Variants in F11 observed in about 807,000 individuals in gnomAD.
The protein encoded by F11 is coagualtion factor XI.
Under a neutral mutation model 76.5 loss-of-function variants are expected in F11, and 78 were observed. The observed-to-expected ratio is 1.02, with a 90% CI of 0.85 to 1.23. The LOEUF (loss-of-function observed/expected upper bound fraction) is 1.23, where lower values mean the gene tolerates loss of function less well. Ranked by LOEUF, F11 falls within the 50% of genes most tolerant of loss-of-function variation. The pLI is 0.00. For missense variants in F11, 742 were observed against 771.4 expected, an observed-to-expected ratio of 0.96 and a Z score of 0.45; for synonymous variants, 278 against 276.3, an observed-to-expected ratio of 1.01 and a Z score of -0.06.
At chr4:186,271,130 T>G (rs4253832) in intron 2 of F11, among the ~76,000 whole-genome samples, 4,421 of 152,228 alleles carry the variant, frequency 0.029, 208 homozygotes, top group African/African-American at 0.099. Flanking sequence ...GTTTCCAAAT[T>G]ATTCTCAATG....
intron 10 of F11, among the ~76,000 whole-genome samples, chr4:186,281,090 C>A (rs1740766806): frequency 6.6e-6 from 1 of 152,084 alleles, no homozygotes; most frequent in Non-Finnish European, 1.5e-5. Flanking sequence ...CTCCTGGGCT[C>A]AAGCAATCCT....
chr4:186,271,184 G>A (rs1244517405), intron 2 of F11, among the ~76,000 whole-genome samples: 1 of 152,154 alleles, frequency 6.6e-6, no homozygotes, highest in Admixed American at 6.5e-5. Flanking sequence ...ATCAGATGCT[G>A]TCAGAAAGTG....
intron 14 of F11, among the ~76,000 whole-genome samples, chr4:186,288,189 G>A (rs1315428672): frequency 6.6e-6 from 1 of 152,084 alleles, no homozygotes; most frequent in Non-Finnish European, 1.5e-5. Flanking sequence ...TGGGATTACA[G>A]GCGTGAGCCA....
chr4:186,287,757 A>C lies in F11; in HGVS notation c.1650A>C (p.Arg550Ser), dbSNP rs1452133560. The C allele has an allele frequency of 6.2e-7, 1 of 1,613,706 alleles. No individual in the cohort carries two copies. Among genetic ancestry groups the C allele is most frequent in the African/African-American group, 1.3e-5 (1 of 74,900 alleles). Residue 550 changes from arginine (R) to serine (S), a missense_variant, in exon 14 of 15, where the codon AGA becomes AGC. Arg to Ser is a moderately radical substitution (Grantham distance 110). Transcript: ENST00000403665. Reference protein sequence around the residue: ...VTNEECQKRYRGHKITHKMIC... With the variant: ...VTNEECQKRYSGHKITHKMIC... Reference sequence around the variant, plus strand: ...ACGAAGAGTGCCAGAAGAGATACAGAGGACATAAAATAACCCATAAGATGA... The same window carrying C: ...ACGAAGAGTGCCAGAAGAGATACAGCGGACATAAAATAACCCATAAGATGA...
intron 11 of F11, 152 bp from the exon 12 acceptor site, chr4:186,285,486 C>T (rs1021361535): frequency 2.2e-5 from 17 of 782,154 alleles, no homozygotes; most frequent in Non-Finnish European, 3.1e-5. Flanking sequence ...TTTTTTATCC[C>T]GAAAAATCTT....
chr4:186,285,480 T>C (rs1462846242), intron 11 of F11, among the ~76,000 whole-genome samples, 158 bp from the exon 12 acceptor site: 8 of 152,156 alleles, frequency 5.3e-5, no homozygotes. Context: ...AATATGTTTT[T>C]TATCCCGAAA....
rs139695003 is a variant in F11 at position 186,287,720 on chromosome 4, C to A, written c.1613C>A (p.Pro538His). The change falls in exon 14 of 15, where the codon CCC (proline) becomes CAC (histidine). Residue 538 changes from proline to histidine, a missense_variant. Coordinates refer to ENST00000403665, the MANE Select transcript of F11 (RefSeq NM_000128.4). ...AATACTCTCCAGAAAGCCAAGATAC[C>A]CTTAGTGACCAACGAAGAGTGCCAG... The part of the protein sequence containing the change: ...IQNTLQKAKI[P>H]LVTNEECQKR... 2.5e-6 allele frequency: 4 copies of A among 1,613,036 alleles called. No individual in the cohort carries two copies. Among genetic ancestry groups the A allele is most frequent in the Non-Finnish European group, 3.4e-6 (4 of 1,179,634 alleles).
chr4:186,280,515 CTA>C lies in F11; in HGVS notation c.1071_1072del (p.Lys358AsnfsTer17), dbSNP rs1740721461. 6.2e-7 allele frequency: 1 copy of C among 1,614,162 alleles called. No individual in the cohort carries two copies. Among genetic ancestry groups the C allele is most frequent in the African/African-American group, 1.3e-5 (1 of 75,048 alleles). On this transcript the variant is annotated frameshift_variant, in exon 10 of 15. Transcript: ENST00000403665. LOFTEE classifies it high-confidence loss of function. ...AAGCTTTCTTCAAACGGATCTCCAA[CTA>C]AAATACTTCACGGGAGAGGAGGCAT...
intron 7 of F11, among the ~76,000 whole-genome samples, chr4:186,277,303 T>G (rs1740462350): frequency 6.6e-6 from 1 of 152,220 alleles, no homozygotes; most frequent in Admixed American, 6.5e-5. Flanking sequence ...CTTTATCCAT[T>G]CATTTGCTGA....
rs181710553 is a variant in F11 at position 186,288,982 on chromosome 4, T to C, written c.*368T>C. 3.5e-6 allele frequency: 1 copy of C among 287,880 alleles called. No homozygotes were observed. The highest frequency in any genetic ancestry group is 6.8e-6 in the Non-Finnish European group (1 of 148,136). 17.8% of individuals were successfully genotyped at this position (287,880 alleles called of 1,614,324 possible). On this transcript the variant is annotated 3_prime_UTR_variant, in exon 15 of 15. Coordinates refer to ENST00000403665, the MANE Select transcript of F11 (RefSeq NM_000128.4). ...GTAAAAGAAGCCACCATAAATAGAT[T>C]TGTTCGATGAAAGATGAAAACTGGA...
intron 7 of F11, among the ~76,000 whole-genome samples, chr4:186,279,491 G>A (rs983115524): frequency 6.6e-6 from 1 of 152,178 alleles, no homozygotes; most frequent in Non-Finnish European, 1.5e-5. Flanking sequence ...TGTATTGGAT[G>A]GCACAGGCAT....
At chr4:186,287,606 A>G (rs947201960) in intron 13 of F11, 78 bp from the exon 14 acceptor site, 33 of 604,704 alleles carry the variant, frequency 5.5e-5, no homozygotes, top group Non-Finnish European at 7.9e-5. Context: ...ATATATATAT[A>G]TATTTATATG....
In F11 at chr4:186,285,591, T is replaced by C. The variant is rs1741139385; in HGVS notation, c.1305-47T>C. 7 of 1,581,344 alleles carry C rather than the reference T, an allele frequency of 4.4e-6. No individual in the cohort carries two copies. The East Asian group carries it at 1.3e-4, about 30-fold the overall frequency. On this transcript the variant is annotated intron_variant, in intron 11 of 14. Coordinates refer to ENST00000403665, the MANE Select transcript of F11 (RefSeq NM_000128.4). ...CACACACTTCACAATGTCTGGGAATTATTTTTAGTAAAGGAAATTTCTTTC... is the reference window on the plus strand; with the variant it reads ...CACACACTTCACAATGTCTGGGAATCATTTTTAGTAAAGGAAATTTCTTTC...
intron 7 of F11, among the ~76,000 whole-genome samples, chr4:186,279,184 C>T (rs1740596784): frequency 6.6e-6 from 1 of 152,108 alleles, no homozygotes; most frequent in Non-Finnish European, 1.5e-5. Flanking sequence ...GAGTACGAGA[C>T]CATCCTGGCC....
chr4:186,281,794 C>A, intron 10 of F11: 1 of 968,672 alleles, frequency 1.0e-6, no homozygotes, highest in South Asian at 2.3e-5. Context: ...TTTAGAAGCA[C>A]AAAAACATTC....
At chr4:186,271,793 T>C (rs368700205) in intron 3 of F11, 22 bp downstream of exon 3, 26 of 1,613,652 alleles carry the variant, frequency 1.6e-5, no homozygotes, top group Non-Finnish European at 2.1e-5. Context: ...TGTTTCTACA[T>C]CGAGGAGACA....
At chr4:186,285,493 T>C in intron 11 of F11, 145 bp from the exon 12 acceptor site, 1 of 818,168 alleles carries the variant, frequency 1.2e-6, no homozygotes, top group East Asian at 2.7e-5. Flanking sequence ...TCCCGAAAAA[T>C]CTTAGGATAA....
intron 10 of F11, among the ~76,000 whole-genome samples, chr4:186,281,627 C>T (rs551424841): frequency 4.6e-5 from 7 of 152,290 alleles, no homozygotes; most frequent in African/African-American, 1.7e-4. Context: ...GCTTAAATTA[C>T]CATAGTAACT....
chr4:186,266,264 T>G lies in F11; in HGVS notation c.-33T>G, dbSNP rs1739492134. 6.6e-6 allele frequency: 1 copy of G among 152,328 alleles called. No individual in the cohort carries two copies. Among genetic ancestry groups the G allele is most frequent in the East Asian group, 1.9e-4 (1 of 5,180 alleles). The allele number at this position is 152,328 out of a possible 1,614,324, so 9.4% of individuals were successfully genotyped here. A position where few individuals can be genotyped will look rare whatever the true frequency, so the allele number is the denominator to read the frequency against. ...GGAAGAAAAGCACCCTTATTAAGAA[T>G]TGCAGCAAGTAAGCCAACAAGGTCT... On this transcript the variant is annotated 5_prime_UTR_variant, in exon 1 of 15. Transcript: ENST00000403665.
Sources: gnomAD v4.1 joint callset for allele counts (sites outside exome capture counted in the v4.1 genomes callset) on GRCh38, gnomAD v4.1.1 for gene constraint, MANE v1.5 for transcripts, NCBI Gene and HGNC (gene_info 2026-07-23, HGNC 2026-07-21) for gene names.